The following TRDN variants were observed in gnomAD, a reference collection of about 807,000 sequenced individuals.
TRDN encodes triadin, also known as triadin in skeletal muscle.
Under a neutral mutation model 149.7 loss-of-function variants are expected in TRDN, and 161 were observed. The ratio of observed to expected loss-of-function variants is 1.08; its 90% CI spans 0.95 to 1.23. The LOEUF is 1.23. TRDN is among the 50% of genes most tolerant of loss of function. TRDN has a pLI of 0.00. For synonymous variants in TRDN, 294 were observed against 250.5 expected (o/e 1.17, Z -1.64); for missense variants, 896 against 823.5 (o/e 1.09, Z -1.08).
chr6:123,600,572 C>T (rs1429132123), intron 1 of TRDN, among the ~76,000 whole-genome samples: 2 of 152,020 alleles, frequency 1.3e-5, no homozygotes, highest in African/African-American at 4.8e-5. Context: ...GGGATGGGGA[C>T]ATAATCTGAG....
chr6:123,271,039 C>CTTTG, intron 30 of TRDN, 100 bp downstream of exon 30: 1 of 419,538 alleles, frequency 2.4e-6, no homozygotes, highest in Non-Finnish European at 4.1e-6. Flanking sequence ...CAGTGAAGGG[C>CTTTG]TGTGTGTGTG....
intron 7 of TRDN, among the ~76,000 whole-genome samples, chr6:123,511,828 CACGTTTT>C (rs1413217214): frequency 5.9e-5 from 9 of 152,088 alleles, no homozygotes; most frequent in African/African-American, 1.7e-4. Context: ...ATATTCTTCT[CACGTTTT>C]CAAGACAGCC....
chr6:123,274,370 T>C (rs879528068), intron 27 of TRDN, among the ~76,000 whole-genome samples: 1 of 152,124 alleles, frequency 6.6e-6, no homozygotes, highest in African/African-American at 2.4e-5. Flanking sequence ...TTATTATTAA[T>C]TTCATAAAAA....
chr6:123,365,601 G>T lies in TRDN; in HGVS notation c.1321+534C>A, dbSNP rs561924698. Reference sequence around the variant, plus strand: ...ATGCATCAGTGTATGTTGAGGATAGGCTTATTAAATTGTCTCTTGATATAC... The same window carrying T: ...ATGCATCAGTGTATGTTGAGGATAGTCTTATTAAATTGTCTCTTGATATAC... On this transcript the variant is annotated intron_variant, in intron 20 of 40. Coordinates refer to ENST00000334268, the MANE Select transcript of TRDN (RefSeq NM_006073.4). Among the ~76,000 whole-genome samples the T allele has an allele frequency of 3.9e-5, 6 of 152,078 alleles. No homozygotes were observed. The South Asian group carries it at 1.0e-3, about 26-fold the overall frequency.
intron 14 of TRDN, among the ~76,000 whole-genome samples, chr6:123,385,402 C>A (rs373309879): frequency 7.1e-6 from 1 of 141,524 alleles, no homozygotes; most frequent in South Asian, 2.3e-4. Flanking sequence ...CCAGCCTGGG[C>A]GACAGAGCGA....
intron 21 of TRDN, among the ~76,000 whole-genome samples, chr6:123,346,813 A>G (rs529965301): frequency 1.1e-3 from 170 of 152,064 alleles, no homozygotes; most frequent in Non-Finnish European, 1.6e-3. Context: ...ATGCAACCAC[A>G]TAGACAGATT....
chr6:123,425,235 GT>G (rs1774068811), intron 12 of TRDN, among the ~76,000 whole-genome samples: 9 of 3,300 alleles, frequency 2.7e-3, no homozygotes, highest in Non-Finnish European at 4.3e-3. Context: ...AGGTAGAGGT[GT>G]GTGTGTGTGT....
At chr6:123,321,653 TTC>T (rs1779248416) in intron 23 of TRDN, among the ~76,000 whole-genome samples, 1 of 152,038 alleles carries the variant, frequency 6.6e-6, no homozygotes, top group Non-Finnish European at 1.5e-5. Flanking sequence ...CTCTTCCACA[TTC>T]TGTTTTCTGC....
At chr6:123,292,288 C>A (rs572674587) in intron 24 of TRDN, among the ~76,000 whole-genome samples, 2 of 152,266 alleles carry the variant, frequency 1.3e-5, no homozygotes, top group East Asian at 3.9e-4. Context: ...GGACTTGTAG[C>A]CAGTTGGATG....
intron 24 of TRDN, among the ~76,000 whole-genome samples, chr6:123,313,715 C>T (rs911261613): frequency 6.6e-6 from 1 of 151,970 alleles, no homozygotes; most frequent in African/African-American, 2.4e-5. Flanking sequence ...TAAGACTCCA[C>T]ACCTACAACT....
At chr6:123,288,195 A>G (rs1266643303) in intron 24 of TRDN, among the ~76,000 whole-genome samples, 1 of 152,122 alleles carries the variant, frequency 6.6e-6, no homozygotes, top group African/African-American at 2.4e-5. Context: ...TCACATGCAG[A>G]GAAAGAAATT....
At chr6:123,608,707 T>G (rs1286179552) in intron 1 of TRDN, among the ~76,000 whole-genome samples, 3 of 152,178 alleles carry the variant, frequency 2.0e-5, no homozygotes, top group Non-Finnish European at 4.4e-5. Context: ...AAATGAAGAT[T>G]AACATATTGA....
At chr6:123,528,222 T>C (rs1029826657) in intron 5 of TRDN, among the ~76,000 whole-genome samples, 2 of 151,672 alleles carry the variant, frequency 1.3e-5, no homozygotes, top group Non-Finnish European at 2.9e-5. Flanking sequence ...AATATTAATA[T>C]AGAATTGTTT....
intron 1 of TRDN, among the ~76,000 whole-genome samples, chr6:123,576,542 T>C (rs1339499305): frequency 6.6e-6 from 1 of 152,056 alleles, no homozygotes; most frequent in African/African-American, 2.4e-5. Flanking sequence ...ACCCACTCCA[T>C]TCACTCTTCC....
At chr6:123,459,547 G>A (rs972865598) in intron 10 of TRDN, among the ~76,000 whole-genome samples, 5 of 152,134 alleles carry the variant, frequency 3.3e-5, no homozygotes, top group African/African-American at 1.2e-4. Flanking sequence ...GCATAGGAGT[G>A]ATAAAGGCTT....
intron 19 of TRDN, among the ~76,000 whole-genome samples, chr6:123,372,576 G>A (rs944837180): frequency 7.9e-5 from 12 of 152,022 alleles, no homozygotes; most frequent in South Asian, 2.1e-4. Context: ...CCAGCCCTAA[G>A]GTCCTTGAGG....
chr6:123,378,397 G>A (rs921502224), intron 16 of TRDN, among the ~76,000 whole-genome samples: 10 of 151,600 alleles, frequency 6.6e-5, no homozygotes, highest in African/African-American at 1.7e-4. Context: ...CTCCAACCTC[G>A]GCCTCCCAGG....
chr6:123,335,300 C>A (rs1248603563), intron 22 of TRDN, among the ~76,000 whole-genome samples: 1 of 151,566 alleles, frequency 6.6e-6, no homozygotes, highest in African/African-American at 2.4e-5. Flanking sequence ...ATGCTGCAAA[C>A]CTTTATATAT....
intron 1 of TRDN, among the ~76,000 whole-genome samples, chr6:123,614,281 G>T (rs1784957055): frequency 1.7e-5 from 2 of 121,194 alleles, no homozygotes; most frequent in Admixed American, 9.1e-5. Flanking sequence ...GTGGGAAAGT[G>T]CTTCATTAAA....
Sources: gnomAD v4.1 joint callset for allele counts (sites outside exome capture counted in the v4.1 genomes callset) on GRCh38, gnomAD v4.1.1 for gene constraint, MANE v1.5 for transcripts, NCBI Gene and HGNC (gene_info 2026-07-23, HGNC 2026-07-21) for gene names.